The following ZRANB3 variants were observed in gnomAD, a reference collection of about 807,000 sequenced individuals.
ZRANB3 encodes DNA annealing helicase and endonuclease ZRANB3.
Under a neutral mutation model 133.8 loss-of-function variants are expected in ZRANB3, and 125 were observed. That is an observed-to-expected ratio of 0.93 (90% CI 0.81 to 1.08). ZRANB3 has a LOEUF of 1.08. Ranked by LOEUF, ZRANB3 falls within the 50% of genes least tolerant of loss-of-function variation. ZRANB3 has a pLI of 0.00. For missense variants in ZRANB3, 1,229 were observed against 1,275.5 expected (o/e 0.96, Z 0.56); for synonymous variants, 387 against 432.7 (o/e 0.89, Z 1.31).
chr2:135,483,011 C>T (rs1015896321), intron 2 of ZRANB3, among the ~76,000 whole-genome samples: 43 of 152,098 alleles, frequency 2.8e-4, no homozygotes, highest in African/African-American at 6.5e-4. Context: ...CTGCTGGATT[C>T]GGTTTGCCAA....
chr2:135,385,490 A>G (rs1248314828), intron 3 of ZRANB3, among the ~76,000 whole-genome samples: 1 of 152,148 alleles, frequency 6.6e-6, no homozygotes, highest in East Asian at 1.9e-4. Flanking sequence ...GGAAAAAACT[A>G]AAGTTCATAT....
At position 135,262,159 on chromosome 2, in the gene ZRANB3, C is replaced by CAA. The variant is rs755264566; in HGVS notation, c.1539+3373_1539+3374dup. Reference sequence around the variant, plus strand: ...TGGCGACAGAGTGAGACTCCATCTCCAAAAAAAAAAAAAAAAAAAAACAAA... The same window carrying CAA: ...TGGCGACAGAGTGAGACTCCATCTCCAAAAAAAAAAAAAAAAAAAAAAACAAA... On this transcript the variant is annotated intron_variant, in intron 12 of 20. Transcript: ENST00000264159. Among the ~76,000 whole-genome samples, 369 of 63,620 alleles carry CAA rather than the reference C, an allele frequency of 5.8e-3. 1 individual carries two copies. The highest frequency in any genetic ancestry group is 0.028 in the East Asian group (70 of 2,520). The allele number at this position is 63,620 out of a possible 152,430, so 41.7% of individuals were successfully genotyped here. A position where few individuals can be genotyped will look rare whatever the true frequency, so the allele number is the denominator to read the frequency against.
chr2:135,378,009 C>A (rs1308369032), intron 3 of ZRANB3, among the ~76,000 whole-genome samples: 1 of 152,184 alleles, frequency 6.6e-6, no homozygotes, highest in East Asian at 1.9e-4. Flanking sequence ...TGCTTCCTGC[C>A]CTGGAACATT....
chr2:135,405,728 C>T (rs756461952), intron 2 of ZRANB3, among the ~76,000 whole-genome samples: 12 of 152,224 alleles, frequency 7.9e-5, no homozygotes, highest in Non-Finnish European at 1.3e-4. Flanking sequence ...CTACTGGGTA[C>T]ATAACAAAAT....
chr2:135,249,062 C>T (rs546455126), intron 12 of ZRANB3, among the ~76,000 whole-genome samples: 2 of 152,226 alleles, frequency 1.3e-5, no homozygotes, highest in African/African-American at 2.4e-5. Flanking sequence ...CGATCTCACA[C>T]CAGTCAGAAT....
chr2:135,312,876 C>A (rs927539219), intron 8 of ZRANB3, among the ~76,000 whole-genome samples: 5 of 151,492 alleles, frequency 3.3e-5, no homozygotes, highest in Non-Finnish European at 7.4e-5. Context: ...AAAAATTTGC[C>A]AGGCATGGAG....
intron 1 of ZRANB3, among the ~76,000 whole-genome samples, chr2:135,506,267 G>GT (rs1693184299): frequency 6.6e-6 from 1 of 152,176 alleles, no homozygotes; most frequent in South Asian, 2.1e-4. Context: ...GCACAGGCCT[G>GT]TAATCCCAGC....
chr2:135,377,108 A>G (rs1686462450), intron 3 of ZRANB3, among the ~76,000 whole-genome samples: 1 of 152,244 alleles, frequency 6.6e-6, no homozygotes, highest in South Asian at 2.1e-4. Flanking sequence ...ACTGGAAATC[A>G]GCAATTAAGT....
intron 10 of ZRANB3, among the ~76,000 whole-genome samples, chr2:135,269,719 A>G (rs568054747): frequency 1.3e-5 from 2 of 152,328 alleles, no homozygotes; most frequent in South Asian, 4.1e-4. Context: ...AAAAATATTA[A>G]CTAAGTCTTG....
At chr2:135,352,430 T>C (rs1685252405) in intron 4 of ZRANB3, among the ~76,000 whole-genome samples, 4 of 152,118 alleles carry the variant, frequency 2.6e-5, no homozygotes, top group Non-Finnish European at 5.9e-5. Flanking sequence ...TCTCTAAATT[T>C]GTAAGTCTTT....
chr2:135,415,378 A>G (rs1688516330), intron 2 of ZRANB3, among the ~76,000 whole-genome samples: 2 of 152,178 alleles, frequency 1.3e-5, no homozygotes, highest in African/African-American at 4.8e-5. Flanking sequence ...AAATTCCTTG[A>G]CACACACACT....
At chr2:135,249,127 GAACACAT>G (rs1679240113) in intron 12 of ZRANB3, among the ~76,000 whole-genome samples, 1 of 152,206 alleles carries the variant, frequency 6.6e-6, no homozygotes, top group Non-Finnish European at 1.5e-5. Context: ...AGAGAAAAGG[GAACACAT>G]ACACTGTTGG....
intron 2 of ZRANB3, among the ~76,000 whole-genome samples, chr2:135,464,543 T>C (rs984121813): frequency 1.3e-5 from 2 of 152,170 alleles, no homozygotes; most frequent in African/African-American, 4.8e-5. Context: ...AATTTGGCAA[T>C]GTTGGATGGG....
intron 8 of ZRANB3, among the ~76,000 whole-genome samples, chr2:135,296,179 A>G (rs1025536064): frequency 7.9e-5 from 12 of 152,198 alleles, no homozygotes; most frequent in African/African-American, 2.9e-4. Flanking sequence ...GTGTTTTCCA[A>G]CTTGGTTCCA....
At chr2:135,229,367 T>C (rs1694889553) in intron 13 of ZRANB3, among the ~76,000 whole-genome samples, 1 of 118,358 alleles carries the variant, frequency 8.4e-6, no homozygotes, top group South Asian at 2.3e-4. Flanking sequence ...AATGCCAATA[T>C]TTTTTTTTTT....
At chr2:135,419,718 A>C (rs1314716748) in intron 2 of ZRANB3, among the ~76,000 whole-genome samples, 1 of 149,806 alleles carries the variant, frequency 6.7e-6, no homozygotes, top group African/African-American at 2.4e-5. Flanking sequence ...TTTTTTCCTT[A>C]AATAAAAAAA....
At chr2:135,246,277 T>A (rs1695798795) in intron 12 of ZRANB3, among the ~76,000 whole-genome samples, 1 of 152,068 alleles carries the variant, frequency 6.6e-6, no homozygotes, top group African/African-American at 2.4e-5. Context: ...GGAACATGTC[T>A]GGTTTATAAA....
chr2:135,225,745 T>C (rs1485359373), intron 14 of ZRANB3, among the ~76,000 whole-genome samples: 2 of 152,238 alleles, frequency 1.3e-5, no homozygotes, highest in Non-Finnish European at 2.9e-5. Context: ...CCATAAAACT[T>C]GGATACAGAC....
intron 2 of ZRANB3, among the ~76,000 whole-genome samples, chr2:135,436,130 T>G (rs1469373456): frequency 1.2e-4 from 18 of 152,168 alleles, no homozygotes; most frequent in Non-Finnish European, 5.9e-5. Context: ...TACATTTGAG[T>G]CTTTAATCTG....
Sources: gnomAD v4.1 joint callset for allele counts (sites outside exome capture counted in the v4.1 genomes callset) on GRCh38, gnomAD v4.1.1 for gene constraint, MANE v1.5 for transcripts, NCBI Gene and HGNC (gene_info 2026-07-23, HGNC 2026-07-21) for gene names.